Variants in PPFIA2 observed in about 807,000 individuals in gnomAD.
PPFIA2 encodes the protein liprin-alpha-2.
Under a neutral mutation model 175.5 loss-of-function variants are expected in PPFIA2, and 46 were observed. That is an observed-to-expected ratio of 0.26 (90% confidence interval 0.21 to 0.34). The LOEUF is 0.34. Ranked by LOEUF, PPFIA2 falls within the 10% of genes least tolerant of loss-of-function variation. PPFIA2 has a pLI of 1.00. For synonymous variants in PPFIA2, 568 were observed against 511.4 expected (o/e 1.11, Z -1.49); for missense variants, 1,179 against 1,506.1 (o/e 0.78, Z 3.60).
intron 7 of PPFIA2, among the ~76,000 whole-genome samples, chr12:81,435,470 GA>G (rs991747703): frequency 3.9e-5 from 6 of 152,080 alleles, no homozygotes; most frequent in Non-Finnish European, 8.8e-5. Flanking sequence ...GGGGAGAATA[GA>G]TGAGCGATCA....
intron 17 of PPFIA2, among the ~76,000 whole-genome samples, chr12:81,348,685 G>A (rs1039431516): frequency 2.6e-5 from 4 of 152,178 alleles, no homozygotes; most frequent in South Asian, 2.1e-4. Context: ...GCAGTGAGCC[G>A]AGATAGCGCC....
chr12:81,536,421 C>T (rs969360615), intron 4 of PPFIA2, among the ~76,000 whole-genome samples: 10 of 151,188 alleles, frequency 6.6e-5, no homozygotes, highest in Admixed American at 5.9e-4. Flanking sequence ...CATTCAAATG[C>T]CACACTAAGA....
chr12:81,424,104 C>A (rs1405427301), intron 7 of PPFIA2, among the ~76,000 whole-genome samples: 1 of 151,978 alleles, frequency 6.6e-6, no homozygotes, highest in Non-Finnish European at 1.5e-5. Context: ...ACTCAACAAT[C>A]TTTTAATTTT....
intron 7 of PPFIA2, among the ~76,000 whole-genome samples, chr12:81,418,543 A>G (rs190972455): frequency 3.3e-5 from 5 of 152,134 alleles, no homozygotes; most frequent in Non-Finnish European, 7.4e-5. Flanking sequence ...GAAAATGGCC[A>G]AACTCATTTG....
chr12:81,259,750 C>A (rs1292413610), intron 32 of PPFIA2, 90 bp from the exon 33 acceptor site: 21 of 1,047,518 alleles, frequency 2.0e-5, no homozygotes, highest in Admixed American at 4.3e-5. Context: ...CTCCACGCAG[C>A]CTGCTTACTC....
intron 14 of PPFIA2, among the ~76,000 whole-genome samples, chr12:81,365,197 A>C (rs1199037510): frequency 6.6e-6 from 1 of 151,826 alleles, no homozygotes; most frequent in Non-Finnish European, 1.5e-5. Flanking sequence ...AAAGATGGAA[A>C]GGGAAACACT....
At chr12:81,727,004 T>C (rs1307899058) in intron 3 of PPFIA2, among the ~76,000 whole-genome samples, 2 of 151,332 alleles carry the variant, frequency 1.3e-5, no homozygotes, top group African/African-American at 4.8e-5. Flanking sequence ...AAAGCCAAGG[T>C]GGCCAATATG....
At chr12:81,363,883 A>G (rs2032038467) in intron 14 of PPFIA2, among the ~76,000 whole-genome samples, 1 of 151,850 alleles carries the variant, frequency 6.6e-6, no homozygotes, top group Non-Finnish European at 1.5e-5. Flanking sequence ...ATCTTTGTTC[A>G]TTATTTTCAC....
In PPFIA2 at chr12:81,727,086, A is replaced by G. The variant is rs562498225; in HGVS notation, c.249+26887T>C. On this transcript the variant is annotated intron_variant, in intron 3 of 32. Coordinates refer to ENST00000549396, the MANE Select transcript of PPFIA2 (RefSeq NM_003625.5). ...TTGGCTTTTGTTGTTATGGCAACAT[A>G]TTCTAGCAAAAGCTAATTGATGCAG... Among the ~76,000 whole-genome samples the G allele has an allele frequency of 3.3e-5, 5 of 151,476 alleles. No individual in the cohort carries two copies. In the South Asian group the frequency reaches 1.0e-3, roughly 31 times the overall value.
At position 81,369,093 on chromosome 12, in the gene PPFIA2, A is replaced by T. The variant is rs1305138406; in HGVS notation, c.1350+18T>A. 2 of 1,557,314 alleles carry T rather than the reference A, an allele frequency of 1.3e-6. No individual in the cohort carries two copies. The highest frequency in any genetic ancestry group is 2.7e-5 in the African/African-American group (2 of 73,406). On this transcript the variant is annotated intron_variant, in intron 12 of 32. Coordinates refer to ENST00000549396, the MANE Select transcript of PPFIA2 (RefSeq NM_003625.5). ...CATAAACCAATGATTGGGGGGTAAT[A>T]GTTCTTAATATACATACTCTTTGAA...
chr12:81,721,013 G>A (rs952470517), intron 3 of PPFIA2, among the ~76,000 whole-genome samples: 6 of 150,500 alleles, frequency 4.0e-5, no homozygotes, highest in Non-Finnish European at 7.4e-5. Context: ...TAAATCTTAA[G>A]TTGGGAAGCA....
At chr12:81,444,620 T>C (rs1593086548) in intron 6 of PPFIA2, among the ~76,000 whole-genome samples, 1 of 152,216 alleles carries the variant, frequency 6.6e-6, no homozygotes, top group Middle Eastern at 3.4e-3. Flanking sequence ...TATCCTTACA[T>C]ACACACTCCA....
chr12:81,333,833 G>C (rs563183715), intron 21 of PPFIA2, among the ~76,000 whole-genome samples: 1 of 152,140 alleles, frequency 6.6e-6, no homozygotes, highest in East Asian at 1.9e-4. Flanking sequence ...AGTGATTTTG[G>C]ATGTGCTGAT....
chr12:81,323,417 A>C (rs1276543552), intron 22 of PPFIA2, among the ~76,000 whole-genome samples: 1 of 152,130 alleles, frequency 6.6e-6, no homozygotes, highest in Non-Finnish European at 1.5e-5. Flanking sequence ...AACATTATGA[A>C]AAATGTTGCT....
chr12:81,654,251 G>GA (rs1175331112), intron 4 of PPFIA2, among the ~76,000 whole-genome samples: 3 of 151,802 alleles, frequency 2.0e-5, no homozygotes, highest in African/African-American at 2.4e-5. Context: ...ATAAGATGTT[G>GA]AAAAAAACAT....
intron 4 of PPFIA2, among the ~76,000 whole-genome samples, chr12:81,542,466 C>T (rs185106746): frequency 8.0e-4 from 121 of 152,136 alleles, no homozygotes; most frequent in Admixed American, 2.3e-3. Flanking sequence ...AAAATAGATA[C>T]GTAGAAGTTT....
At chr12:81,493,787 T>TAC (rs1555428270) in intron 4 of PPFIA2, among the ~76,000 whole-genome samples, 11,306 of 127,698 alleles carry the variant, frequency 0.089, 624 homozygotes, top group African/African-American at 0.12. Context: ...TATATATATA[T>TAC]ACACATTGGA....
intron 9 of PPFIA2, among the ~76,000 whole-genome samples, 200 bp from the exon 10 acceptor site, chr12:81,376,142 T>G (rs929777649): frequency 6.6e-6 from 1 of 152,184 alleles, no homozygotes; most frequent in Non-Finnish European, 1.5e-5. Context: ...GTATCTTCGG[T>G]TAACCAAAAG....
chr12:81,564,521 C>T (rs4842396), intron 4 of PPFIA2, among the ~76,000 whole-genome samples: 20,567 of 152,082 alleles, frequency 0.14, 1,531 homozygotes, highest in Admixed American at 0.16. Context: ...CCGGAGTTGG[C>T]TGCTTAATAT....
Sources: gnomAD v4.1 joint callset for allele counts (sites outside exome capture counted in the v4.1 genomes callset) on GRCh38, gnomAD v4.1.1 for gene constraint, MANE v1.5 for transcripts, NCBI Gene and HGNC (gene_info 2026-07-23, HGNC 2026-07-21) for gene names.